The following FMN1 variants were observed in gnomAD, a reference collection of about 807,000 sequenced individuals.
FMN1 encodes formin 1.
In FMN1, 110 loss-of-function variants were observed where a neutral mutation model predicts 132.4. The ratio of observed to expected loss-of-function variants is 0.83; its 90% CI spans 0.71 to 0.97. The LOEUF (loss-of-function observed/expected upper bound fraction) is 0.97. FMN1 is among the 50% of genes least tolerant of loss of function. The pLI, the probability that FMN1 is intolerant of heterozygous loss-of-function variation, is 0.00. For missense variants in FMN1, 1,792 were observed against 1,705.3 expected (o/e 1.05, Z -0.90); for synonymous variants, 722 against 651.7 (o/e 1.11, Z -1.64).
chr15:32,989,875 T>C lies in FMN1; in HGVS notation c.2223+18139A>G, dbSNP rs906245217. On this transcript the variant is annotated intron_variant, in intron 7 of 20. Coordinates refer to ENST00000616417, the MANE Select transcript of FMN1 (RefSeq NM_001277313.2). Reference sequence around the variant, plus strand: ...AAGGATGCATCTGAGGTTTTTGGCCTAGACTTTTAGTTTTAGGAGAACCAT... The same window carrying C: ...AAGGATGCATCTGAGGTTTTTGGCCCAGACTTTTAGTTTTAGGAGAACCAT... Among the ~76,000 whole-genome samples, 19 of 152,134 alleles carry C rather than the reference T, an allele frequency of 1.2e-4. 1 individual carries two copies. Among genetic ancestry groups the C allele is most frequent in the Non-Finnish European group, 5.9e-5 (4 of 68,026 alleles).
chr15:33,053,675 A>C (rs343913), intron 6 of FMN1, among the ~76,000 whole-genome samples: 88,733 of 150,782 alleles, frequency 0.59, 26,272 homozygotes, highest in Middle Eastern at 0.66. Context: ...TCACAGACCT[A>C]AAAAAAAAAT....
chr15:33,154,337 T>C lies in FMN1; in HGVS notation c.578A>G (p.Lys193Arg). Reference sequence around the variant, plus strand: ...GGAGTGGCTGGAACAGATCTTGTCCTTGCCCATCAGAGGAGCTGATTCTCG... The same window carrying C: ...GGAGTGGCTGGAACAGATCTTGTCCCTGCCCATCAGAGGAGCTGATTCTCG... ...GGRESAPLMG[K>R]DKICSSHSLP... is the part of the protein sequence containing the mutation. The change falls in exon 4 of 21, where the codon AAG (lysine) becomes AGG (arginine). Residue 193 changes from lysine (K) to arginine (R), a missense_variant. This residue lies in a region of FMN1 where 638 missense variants were observed against 645.2 expected (regional missense o/e 0.99). Coordinates refer to ENST00000616417, the MANE Select transcript of FMN1 (RefSeq NM_001277313.2). The C allele has an allele frequency of 6.5e-7, 1 of 1,536,174 alleles. No homozygotes were observed. Among genetic ancestry groups the C allele is most frequent in the Non-Finnish European group, 8.7e-7 (1 of 1,146,926 alleles).
chr15:33,103,774 T>C (rs745554707), intron 4 of FMN1, among the ~76,000 whole-genome samples: 4 of 152,132 alleles, frequency 2.6e-5, no homozygotes, highest in Non-Finnish European at 5.9e-5. Context: ...GTTTCTATTC[T>C]ATTACACCTT....
chr15:32,987,008 T>C (rs949838318), intron 7 of FMN1, among the ~76,000 whole-genome samples: 4 of 152,292 alleles, frequency 2.6e-5, no homozygotes, highest in African/African-American at 7.2e-5. Context: ...CTATTCAAAC[T>C]TGAAATGTCA....
intron 9 of FMN1, among the ~76,000 whole-genome samples, chr15:32,961,136 C>CTT (rs759322803): frequency 1.4e-4 from 20 of 139,894 alleles, no homozygotes; most frequent in African/African-American, 3.9e-4. Context: ...TATTGTTCAT[C>CTT]TTTTTTTTTT....
rs537201531 is a variant in FMN1, at chr15:33,032,244, A to G, written c.2162-24169T>C. Among the ~76,000 whole-genome samples, 27 of 152,276 alleles carry G rather than the reference A, an allele frequency of 1.8e-4. No homozygotes were observed. In the Middle Eastern group the frequency reaches 0.01, roughly 58 times the overall value. On this transcript the variant is annotated intron_variant, in intron 6 of 20. Transcript: ENST00000616417. ...TTTGGTAGCTGGCATGCAACACTAAACGAGTACATCATGGTTTTAATGACT... is the reference window on the plus strand; with the variant it reads ...TTTGGTAGCTGGCATGCAACACTAAGCGAGTACATCATGGTTTTAATGACT...
chr15:32,816,737 A>G (rs994586019), intron 17 of FMN1, among the ~76,000 whole-genome samples: 2 of 112,422 alleles, frequency 1.8e-5, no homozygotes, highest in African/African-American at 2.9e-5. Context: ...CAATAGAGAA[A>G]TAAGTCGTAA....
At chr15:33,136,118 G>T (rs1173872684) in intron 4 of FMN1, among the ~76,000 whole-genome samples, 1 of 152,200 alleles carries the variant, frequency 6.6e-6, no homozygotes, top group African/African-American at 2.4e-5. Context: ...AGAGCAGATG[G>T]CTTCATGGCC....
chr15:32,906,061 A>T (rs1394158330), intron 12 of FMN1, among the ~76,000 whole-genome samples: 1 of 152,256 alleles, frequency 6.6e-6, no homozygotes, highest in African/African-American at 2.4e-5. Flanking sequence ...AGAGAAAACA[A>T]GAGTAAGTTG....
At chr15:32,791,096 G>C (rs1203796883) in intron 19 of FMN1, among the ~76,000 whole-genome samples, 1 of 152,144 alleles carries the variant, frequency 6.6e-6, no homozygotes, top group Admixed American at 6.5e-5. Flanking sequence ...CACAAGGAAA[G>C]AAAGTGCAGG....
chr15:32,898,637 A>G (rs573766644), intron 15 of FMN1, among the ~76,000 whole-genome samples, 197 bp downstream of exon 15: 1 of 152,312 alleles, frequency 6.6e-6, no homozygotes, highest in South Asian at 2.1e-4. Flanking sequence ...CAGTAGATTT[A>G]CACCACTGAA....
intron 10 of FMN1, among the ~76,000 whole-genome samples, chr15:32,921,684 T>TTC (rs1381830356): frequency 7.9e-5 from 12 of 151,408 alleles, no homozygotes; most frequent in African/African-American, 2.7e-4. Flanking sequence ...TTTTTCTTTT[T>TTC]TTTTTTTTCG....
intron 15 of FMN1, among the ~76,000 whole-genome samples, chr15:32,894,391 C>A (rs538467764): frequency 6.6e-6 from 1 of 151,172 alleles, no homozygotes; most frequent in African/African-American, 2.4e-5. Context: ...GGCTGAGGCA[C>A]GAGAATTGCT....
intron 4 of FMN1, among the ~76,000 whole-genome samples, chr15:33,126,865 G>GAT (rs1963130189): frequency 1.3e-5 from 2 of 152,142 alleles, no homozygotes; most frequent in Non-Finnish European, 2.9e-5. Context: ...AAGGAAAACT[G>GAT]ATACCCATAA....
chr15:32,998,284 A>C (rs1335718578), intron 7 of FMN1, among the ~76,000 whole-genome samples: 2 of 152,222 alleles, frequency 1.3e-5, no homozygotes, highest in South Asian at 2.1e-4. Flanking sequence ...AATTTCCAGC[A>C]ATGTCCAGTC....
chr15:32,910,364 C>G (rs1555493045), intron 11 of FMN1, 110 bp downstream of exon 11: 10 of 857,008 alleles, frequency 1.2e-5, no homozygotes, highest in Non-Finnish European at 1.7e-5. Flanking sequence ...GCCTTAATCT[C>G]TTCCAGGCCA....
intron 17 of FMN1, among the ~76,000 whole-genome samples, chr15:32,823,340 A>G (rs141695564): frequency 3.6e-4 from 55 of 151,512 alleles, no homozygotes; most frequent in Non-Finnish European, 6.5e-4. Flanking sequence ...TTCTTTTTGT[A>G]TTTTTAGTAG....
chr15:33,020,861 CTT>C (rs2035381944), intron 6 of FMN1, among the ~76,000 whole-genome samples: 1 of 152,128 alleles, frequency 6.6e-6, no homozygotes, highest in South Asian at 2.1e-4. Context: ...TCTTAAAAGA[CTT>C]TATTGTATTT....
chr15:33,024,929 T>C (rs921142092), intron 6 of FMN1, among the ~76,000 whole-genome samples: 1 of 152,080 alleles, frequency 6.6e-6, no homozygotes, highest in African/African-American at 2.4e-5. Flanking sequence ...TGCAGATAAA[T>C]CTAACAAACA....
Sources: gnomAD v4.1 joint callset for allele counts (sites outside exome capture counted in the v4.1 genomes callset) on GRCh38, gnomAD v4.1.1 for gene constraint, gnomAD v4.1.1 regional missense constraint, MANE v1.5 for transcripts, NCBI Gene and HGNC (gene_info 2026-07-23, HGNC 2026-07-21) for gene names.